Variants in GARNL3 observed in about 807,000 individuals in gnomAD.
GARNL3 encodes the protein GTPase-activating Rap/Ran-GAP domain-like protein 3.
A neutral mutation model predicts 125.0 loss-of-function variants in GARNL3; 63 were observed. That is an observed-to-expected ratio of 0.50 (90% CI 0.41 to 0.62). GARNL3 has a LOEUF of 0.62. Ranked by LOEUF, GARNL3 falls within the 20% of genes least tolerant of loss-of-function variation. The probability of loss-of-function intolerance (pLI) is 0.00; values close to 1 mark genes in which losing one functional copy is unlikely to be tolerated. For missense variants in GARNL3, 994 were observed against 1,244.0 expected (o/e 0.80, Z 3.02); for synonymous variants, 439 against 457.5 (o/e 0.96, Z 0.52).
intron 13 of GARNL3, among the ~76,000 whole-genome samples, chr9:127,341,780 C>T (rs983748159): frequency 3.9e-5 from 6 of 152,054 alleles, no homozygotes; most frequent in Admixed American, 2.0e-4. Context: ...TGAAATGAAA[C>T]GAAGGGCTGG....
intron 19 of GARNL3, among the ~76,000 whole-genome samples, 185 bp from the exon 20 acceptor site, chr9:127,355,112 T>A (rs1421013910): frequency 6.6e-6 from 1 of 152,170 alleles, no homozygotes; most frequent in African/African-American, 2.4e-5. Flanking sequence ...ACTTTCTTAA[T>A]TTTCCTGTAA....
chr9:127,240,082 A>G (rs2063177666), intron 1 of GARNL3, among the ~76,000 whole-genome samples: 1 of 152,214 alleles, frequency 6.6e-6, no homozygotes, highest in African/African-American at 2.4e-5. Context: ...GATGTGTAAG[A>G]CCTCTAGTTT....
chr9:127,392,989 C>A lies in GARNL3; in HGVS notation c.2871-94C>A. The A allele has an allele frequency of 9.5e-7, 1 of 1,052,580 alleles. No homozygotes were observed. The highest frequency in any genetic ancestry group is 2.4e-5 in the East Asian group (1 of 41,648). The allele number at this position is 1,052,580 out of a possible 1,614,324, so 65.2% of individuals were successfully genotyped here. A position where few individuals can be genotyped will look rare whatever the true frequency, so the allele number is the denominator to read the frequency against. On this transcript the variant is annotated intron_variant, in intron 27 of 27. Transcript: ENST00000373387. This position sits in a 1 kb window ranked among gnomAD's most constrained non-coding sequence, Gnocchi z 5.2. ...CAGTGAGGGTTTGGTGAGCCAAACT[C>A]ATGAGCTCAGATGAGCAGGAAATTG... is the stretch of plus-strand genomic sequence containing the variant.
chr9:127,318,179 A>G, intron 5 of GARNL3, 52 bp downstream of exon 5: 4 of 1,054,186 alleles, frequency 3.8e-6, no homozygotes, highest in Non-Finnish European at 4.5e-6. Context: ...CCCTTTATAC[A>G]CTGTTTTTGC....
chr9:127,230,434 C>T (rs1159787023), intron 1 of GARNL3, among the ~76,000 whole-genome samples: 1 of 152,072 alleles, frequency 6.6e-6, no homozygotes, highest in African/African-American at 2.4e-5. Context: ...CTGAGGCAGG[C>T]AGATCACCTG....
chr9:127,251,903 C>G (rs987227811), intron 2 of GARNL3, among the ~76,000 whole-genome samples: 1 of 152,178 alleles, frequency 6.6e-6, no homozygotes, highest in Non-Finnish European at 1.5e-5. Context: ...CTCCCCTTAA[C>G]TGCACCAAGA....
intron 1 of GARNL3, among the ~76,000 whole-genome samples, chr9:127,229,087 G>T (rs2062960377): frequency 6.6e-6 from 1 of 152,202 alleles, no homozygotes; most frequent in African/African-American, 2.4e-5. Context: ...GCCTCCCAAA[G>T]TGCTGGGATT....
At chr9:127,308,769 G>GT (rs1425256518) in intron 2 of GARNL3, among the ~76,000 whole-genome samples, 1 of 152,196 alleles carries the variant, frequency 6.6e-6, no homozygotes, top group African/African-American at 2.4e-5. Context: ...CTGTGGTTAC[G>GT]TAAGAACATA....
upstream of GARNL3, among the ~76,000 whole-genome samples, chr9:127,259,601 C>A (rs141121096): frequency 5.2e-4 from 79 of 152,272 alleles, no homozygotes; most frequent in East Asian, 0.014. Flanking sequence ...CCTGGGAAGC[C>A]TGCTGCTTGG....
chr9:127,376,371 A>G (rs1831911845), intron 22 of GARNL3, among the ~76,000 whole-genome samples: 1 of 151,290 alleles, frequency 6.6e-6, no homozygotes, highest in Non-Finnish European at 1.5e-5. Context: ...GGCGCCTGCC[A>G]CCTTGCCCGG....
In GARNL3 at chr9:127,247,283, C is replaced by T. The variant is rs371467737; in HGVS notation, c.143+4034C>T. The stretch of plus-strand genomic sequence containing the variant: ...AGTTACGGGCTGGACTAGTGAGGCG[C>T]TTGTTGGTTGTAAGTGACAGAAACC... On this transcript the variant is annotated intron_variant, in intron 2 of 10. Coordinates refer to the GARNL3 transcript ENST00000439286. Among the ~76,000 whole-genome samples, 10 of 152,218 alleles carry T rather than the reference C, an allele frequency of 6.6e-5. No individual in the cohort carries two copies. In the East Asian group the frequency reaches 1.7e-3, roughly 26 times the overall value.
chr9:127,240,249 C>T (rs766671246), intron 1 of GARNL3, among the ~76,000 whole-genome samples: 1 of 152,180 alleles, frequency 6.6e-6, no homozygotes, highest in Non-Finnish European at 1.5e-5. Flanking sequence ...TCATGGACAT[C>T]GTCAGCCAGT....
At chr9:127,291,090 G>T (rs1782537127) in intron 1 of GARNL3, 78 bp from the exon 2 acceptor site, 5 of 1,442,272 alleles carry the variant, frequency 3.5e-6, no homozygotes, top group Non-Finnish European at 9.7e-7. Flanking sequence ...CTTAGATGTG[G>T]CTTACTTATA....
intron 17 of GARNL3, among the ~76,000 whole-genome samples, chr9:127,352,924 T>C (rs1209800368): frequency 6.6e-6 from 1 of 152,184 alleles, no homozygotes; most frequent in Non-Finnish European, 1.5e-5. Flanking sequence ...CAGCCACTTC[T>C]CCTGCCCCAA....
intron 2 of GARNL3, among the ~76,000 whole-genome samples, chr9:127,301,516 A>ATT (rs1397654129): frequency 6.6e-6 from 1 of 152,174 alleles, no homozygotes. Flanking sequence ...CTGTGCCTCA[A>ATT]TTTCCTAATG....
At chr9:127,320,060 G>A (rs1465549064) in intron 5 of GARNL3, among the ~76,000 whole-genome samples, 5 of 152,148 alleles carry the variant, frequency 3.3e-5, no homozygotes, top group African/African-American at 1.2e-4. Flanking sequence ...TTCAAGTCCT[G>A]GCTCTGCTTT....
chr9:127,330,113 G>T lies in GARNL3; in HGVS notation c.595-2161G>T, dbSNP rs189579085. On this transcript the variant is annotated intron_variant, in intron 7 of 27. Coordinates refer to ENST00000373387, the MANE Select transcript of GARNL3 (RefSeq NM_032293.5). ...AAACCTGCTGAATTGAAAACTCCTG[G>T]GGTGGAACCCAGCAATCTTCAGTTT... 7.7e-4 allele frequency among the ~76,000 whole-genome samples: 118 copies of T among 152,304 alleles called. 2 individuals are homozygous for T. The highest frequency in any genetic ancestry group is 7.7e-3 in the Admixed American group (118 of 15,294).
intron 1 of GARNL3, among the ~76,000 whole-genome samples, chr9:127,235,359 T>G (rs2063092137): frequency 6.6e-6 from 1 of 151,988 alleles, no homozygotes; most frequent in African/African-American, 2.4e-5. Flanking sequence ...GTTTTTGTTT[T>G]GTTTAGCTTT....
chr9:127,303,667 A>G (rs1267606357), intron 2 of GARNL3, among the ~76,000 whole-genome samples: 1 of 152,258 alleles, frequency 6.6e-6, no homozygotes, highest in Non-Finnish European at 1.5e-5. Context: ...AATAGACTCT[A>G]TGAAAAATCA....
Sources: gnomAD v4.1 joint callset for allele counts (sites outside exome capture counted in the v4.1 genomes callset) on GRCh38, gnomAD v4.1.1 for gene constraint, Gnocchi (gnomAD v3.1) non-coding constraint, MANE v1.5 for transcripts, NCBI Gene and HGNC (gene_info 2026-07-23, HGNC 2026-07-21) for gene names.